Variants in PRKCB observed in about 807,000 individuals in gnomAD.
PRKCB encodes protein kinase C beta type.
In PRKCB, 13 loss-of-function variants were observed where a neutral mutation model predicts 81.5. The ratio of observed to expected loss-of-function variants is 0.16; its 90% CI spans 0.10 to 0.25. PRKCB has a LOEUF of 0.25. Ranked by LOEUF, PRKCB falls within the 10% of genes least tolerant of loss-of-function variation. The pLI, the probability that PRKCB is intolerant of heterozygous loss-of-function variation, is 1.00. For missense variants in PRKCB, 509 were observed against 875.7 expected (o/e 0.58, Z 5.29); for synonymous variants, 335 against 321.4 (o/e 1.04, Z -0.45).
At chr16:24,190,686 T>G (rs1967778070) in intron 15 of PRKCB, among the ~76,000 whole-genome samples, 2 of 151,978 alleles carry the variant, frequency 1.3e-5, no homozygotes, top group Non-Finnish European at 2.9e-5. Context: ...ACCCAGCTAA[T>G]TTTTGTATTT....
intron 3 of PRKCB, among the ~76,000 whole-genome samples, chr16:23,994,516 G>T (rs1964930860): frequency 6.6e-6 from 1 of 152,208 alleles, no homozygotes; most frequent in South Asian, 2.1e-4. Flanking sequence ...GGACAGCAGA[G>T]ATCAGTGCCA....
chr16:24,153,467 A>G (rs1314436856), intron 9 of PRKCB, among the ~76,000 whole-genome samples: 4 of 152,228 alleles, frequency 2.6e-5, no homozygotes, highest in Admixed American at 1.3e-4. Flanking sequence ...CATGCAGTGA[A>G]TACTTCAATC....
rs1478855883 is a variant in PRKCB, at chr16:24,108,294, TA to T, written c.822-4678del. On this transcript the variant is annotated intron_variant, in intron 7 of 16. Transcript: ENST00000643927. ...TCTTTTATTTATTTATTTTTTTTAT[TA>T]TTTTTTTTTAATTGATTGACTTTTT... is the stretch of plus-strand genomic sequence containing the variant. Among the ~76,000 whole-genome samples the T allele has an allele frequency of 2.3e-4, 34 of 145,334 alleles. 1 individual carries two copies. The highest frequency in any genetic ancestry group is 1.4e-3 in the Admixed American group (21 of 14,710).
At chr16:23,931,301 G>A (rs889675619) in intron 2 of PRKCB, among the ~76,000 whole-genome samples, 1 of 152,198 alleles carries the variant, frequency 6.6e-6, no homozygotes, top group African/African-American at 2.4e-5. Context: ...TTCAGTTTCT[G>A]TGTTTCCAAA....
At chr16:23,974,750 A>G (rs1425361846) in intron 2 of PRKCB, among the ~76,000 whole-genome samples, 1 of 152,124 alleles carries the variant, frequency 6.6e-6, no homozygotes, top group Non-Finnish European at 1.5e-5. Flanking sequence ...GAAAAAAAAA[A>G]CTGGAAATAT....
chr16:24,201,968 G>A (rs189012093), intron 16 of PRKCB, among the ~76,000 whole-genome samples: 10 of 151,890 alleles, frequency 6.6e-5, no homozygotes, highest in Admixed American at 3.3e-4. Context: ...CCCAGGAGGC[G>A]GAGCTTGCAG....
chr16:24,215,012 T>A lies in PRKCB; in HGVS notation c.*196T>A. 1 of 1,373,920 alleles carries A rather than the reference T, an allele frequency of 7.3e-7. No individual in the cohort carries two copies. The highest frequency in any genetic ancestry group is 9.4e-7 in the Non-Finnish European group (1 of 1,064,748). The allele number at this position is 1,373,920 out of a possible 1,614,324, so 85.1% of individuals were successfully genotyped here. A position where few individuals can be genotyped will look rare whatever the true frequency, so the allele number is the denominator to read the frequency against. On this transcript the variant is annotated 3_prime_UTR_variant, in exon 17 of 17. Coordinates refer to ENST00000643927, the MANE Select transcript of PRKCB (RefSeq NM_002738.7). ...ATGAGATGGGATTATGCAGATGGCC[T>A]ATGGAAAATGCAGCTGCATAATTAA...
At chr16:23,850,935 G>T (rs771877580) in intron 2 of PRKCB, among the ~76,000 whole-genome samples, 7 of 151,980 alleles carry the variant, frequency 4.6e-5, no homozygotes, top group Non-Finnish European at 8.8e-5. Flanking sequence ...AGTAATTTCT[G>T]TTCAGATCCC....
At chr16:24,097,587 A>T (rs1966460462) in intron 7 of PRKCB, among the ~76,000 whole-genome samples, 1 of 152,156 alleles carries the variant, frequency 6.6e-6, no homozygotes, top group Non-Finnish European at 1.5e-5. Context: ...TCAGTTTAGA[A>T]AGTTTATTTT....
chr16:24,036,833 C>G (rs1965628149), intron 5 of PRKCB, among the ~76,000 whole-genome samples: 1 of 152,122 alleles, frequency 6.6e-6, no homozygotes, highest in South Asian at 2.1e-4. Flanking sequence ...GCTGGTGAGA[C>G]AAATATGAGA....
At chr16:24,107,402 A>T (rs1295172483) in intron 7 of PRKCB, among the ~76,000 whole-genome samples, 1 of 152,190 alleles carries the variant, frequency 6.6e-6, no homozygotes, top group African/African-American at 2.4e-5. Context: ...CCTTGTTCTA[A>T]CATTTCATAT....
At position 24,035,532 on chromosome 16, in the gene PRKCB, G is replaced by A. The variant is rs200811816; in HGVS notation, c.514G>A (p.Val172Ile). Residue 172 changes from valine (V) to isoleucine (I), a missense_variant, in exon 5 of 17, where the codon GTC becomes ATC. Physicochemically the swap from Val to Ile is conservative, Grantham distance 29. Around this residue, in one of 6 missense-constraint regions of PRKCB, gnomAD observed 184 missense variants for 362.9 expected, o/e 0.51. Transcript: ENST00000643927. Reference sequence around the variant, plus strand: ...CATCCAGGCCCACATCGACAGGGACGTCCTCATTGTCCTCGGTAGGTGGCC... The same window carrying A: ...CATCCAGGCCCACATCGACAGGGACATCCTCATTGTCCTCGGTAGGTGGCC... ...IYIQAHIDRDVLIVLVRDAKN... is the reference protein window; with the variant it reads ...IYIQAHIDRDILIVLVRDAKN... 17 of 1,613,672 alleles carry A rather than the reference G, an allele frequency of 1.1e-5. No homozygotes were observed. The highest frequency in any genetic ancestry group is 6.7e-5 in the East Asian group (3 of 44,826).
intron 10 of PRKCB, 39 bp from the exon 11 acceptor site, chr16:24,172,231 T>C (rs1967452039): frequency 6.7e-7 from 1 of 1,496,602 alleles, no homozygotes; most frequent in East Asian, 2.3e-5. Flanking sequence ...CCCCAGAAGC[T>C]ACGGGATGCT....
intron 2 of PRKCB, among the ~76,000 whole-genome samples, chr16:23,972,504 C>T (rs1314618379): frequency 6.6e-6 from 1 of 152,120 alleles, no homozygotes; most frequent in East Asian, 1.9e-4. Context: ...TTATCTATTT[C>T]CTTTCAGTTT....
intron 2 of PRKCB, among the ~76,000 whole-genome samples, chr16:23,905,046 T>C (rs567926309): frequency 2.9e-4 from 17 of 58,362 alleles, no homozygotes; most frequent in Non-Finnish European, 3.5e-4. Flanking sequence ...TTTTTTCTTT[T>C]TTTTTTTTTT....
rs766370894 is a variant in PRKCB at position 23,978,750 on chromosome 16, A to T, written c.206-9758A>T. Among the ~76,000 whole-genome samples the T allele has an allele frequency of 1.2e-4, 18 of 152,170 alleles. 1 individual carries two copies. The highest frequency in any genetic ancestry group is 1.9e-4 in the Non-Finnish European group (13 of 68,032). ...AACCTTTAGGCTACTGCTGTCCAAT[A>T]AGACTTTCTATGGTGCTGGAAATTT... On this transcript the variant is annotated intron_variant, in intron 2 of 16. Transcript: ENST00000643927.
At chr16:24,060,253 G>A (rs1363180707) in intron 5 of PRKCB, among the ~76,000 whole-genome samples, 1 of 152,160 alleles carries the variant, frequency 6.6e-6, no homozygotes, top group Non-Finnish European at 1.5e-5. Flanking sequence ...TCCTCATCTG[G>A]CGAGCAGAGA....
At chr16:24,023,011 G>A (rs568200054) in intron 3 of PRKCB, among the ~76,000 whole-genome samples, 1 of 152,316 alleles carries the variant, frequency 6.6e-6, no homozygotes, top group South Asian at 2.1e-4. Flanking sequence ...CCTGGGTGAC[G>A]AGGATCTGAT....
intron 2 of PRKCB, among the ~76,000 whole-genome samples, chr16:23,903,344 C>T (rs887321332): frequency 2.6e-5 from 4 of 151,800 alleles, no homozygotes; most frequent in Admixed American, 1.3e-4. Context: ...CTAGTTTTTT[C>T]TAAGCGTATG....
Sources: gnomAD v4.1 joint callset for allele counts (sites outside exome capture counted in the v4.1 genomes callset) on GRCh38, gnomAD v4.1.1 for gene constraint, gnomAD v4.1.1 regional missense constraint, MANE v1.5 for transcripts, NCBI Gene and HGNC (gene_info 2026-07-23, HGNC 2026-07-21) for gene names.